Variants in FBXL2 observed in about 807,000 individuals in gnomAD.
FBXL2 encodes the protein F-box and leucine rich repeat protein 2.
A neutral mutation model predicts 69.2 loss-of-function variants in FBXL2; 38 were observed. The observed-to-expected ratio is 0.55, with a 90% CI of 0.42 to 0.72. The LOEUF (loss-of-function observed/expected upper bound fraction) is 0.72. Among genes scored for constraint, FBXL2 ranks in the 30% least tolerant of loss-of-function variants. The probability of loss-of-function intolerance (pLI) is 0.00; values close to 1 mark genes in which losing one functional copy is unlikely to be tolerated. For missense variants in FBXL2, 354 were observed against 520.3 expected, an observed-to-expected ratio of 0.68 and a Z score of 3.11; for synonymous variants, 192 against 201.3, an observed-to-expected ratio of 0.95 and a Z score of 0.39.
At position 33,378,164 on chromosome 3, in the gene FBXL2, C is replaced by T. The variant is rs1219360875; in HGVS notation, c.894+17C>T. 3.1e-6 allele frequency: 5 copies of T among 1,612,790 alleles called. No homozygotes were observed. Among genetic ancestry groups the T allele is most frequent in the Non-Finnish European group, 3.4e-6 (4 of 1,178,854 alleles). ...TGCATCCTGGTGAGTGGACTCCTGA[C>T]AGCCCTGCAGGGCAGCCTGCTCCTT... is the stretch of plus-strand genomic sequence containing the variant. On this transcript the variant is annotated intron_variant, in intron 12 of 14. Transcript: ENST00000484457.
At chr3:33,299,940 A>C (rs2036115718) in intron 2 of FBXL2, among the ~76,000 whole-genome samples, 1 of 152,212 alleles carries the variant, frequency 6.6e-6, no homozygotes, top group Non-Finnish European at 1.5e-5. Flanking sequence ...GATTGTCACT[A>C]TACAACTGCA....
intron 4 of FBXL2, among the ~76,000 whole-genome samples, chr3:33,360,709 C>G (rs1240075039): frequency 6.6e-6 from 1 of 152,068 alleles, no homozygotes; most frequent in Non-Finnish European, 1.5e-5. Flanking sequence ...ACTGATCATA[C>G]CTAACTCTTT....
chr3:33,420,681 G>A, the FBXL2 span, among the ~76,000 whole-genome samples: 4 of 152,108 alleles, frequency 2.6e-5, no homozygotes, highest in Non-Finnish European at 5.9e-5. Context: ...TGGAGACAGG[G>A]TTTCACCATG....
chr3:33,402,678 C>T (rs2044273497), intron 12 of FBXL2: 1 of 637,232 alleles, frequency 1.6e-6, no homozygotes, highest in Non-Finnish European at 2.4e-6. Flanking sequence ...ATACAGGATA[C>T]TTCCCCTTAC....
chr3:33,315,400 T>A (rs1382364554), intron 2 of FBXL2, among the ~76,000 whole-genome samples: 1 of 151,636 alleles, frequency 6.6e-6, no homozygotes, highest in Non-Finnish European at 1.5e-5. Flanking sequence ...AGTGCTAAGG[T>A]AGTTTTACCT....
intron 12 of FBXL2, among the ~76,000 whole-genome samples, chr3:33,394,572 G>A (rs1025085067): frequency 6.6e-4 from 101 of 152,144 alleles, no homozygotes; most frequent in Admixed American, 6.6e-3. Flanking sequence ...TCTGCACAGT[G>A]CACATCTGTA....
At chr3:33,408,894 G>T in the FBXL2 span, 5 of 1,111,426 alleles carry the variant, frequency 4.5e-6, no homozygotes, top group Non-Finnish European at 6.6e-6. Context: ...TTAAACAAAT[G>T]CATGACTAAC....
In FBXL2 at chr3:33,341,567, C is replaced by T. The variant is rs143972938; in HGVS notation, c.66-17400C>T. On this transcript the variant is annotated intron_variant, in intron 2 of 14. Transcript: ENST00000484457. ...ATGTGGGGCCCAGCATGGTGGCTCA[C>T]GCCTGTAATCCTAGCACTTTGGGAG... Among the ~76,000 whole-genome samples, 1,408 of 152,048 alleles carry T rather than the reference C, an allele frequency of 9.3e-3. 17 individuals are homozygous for T. Among genetic ancestry groups the T allele is most frequent in the African/African-American group, 0.032 (1,313 of 41,470 alleles).
chr3:33,296,011 G>T (rs552729322), intron 1 of FBXL2, among the ~76,000 whole-genome samples: 1 of 152,058 alleles, frequency 6.6e-6, no homozygotes, highest in Non-Finnish European at 1.5e-5. Flanking sequence ...CAATCTTGTG[G>T]GTTTTTTTCC....
downstream of FBXL2, chr3:33,389,188 A>C (rs920742116): frequency 6.6e-6 from 1 of 152,642 alleles, no homozygotes; most frequent in African/African-American, 2.4e-5. Context: ...ATAGAGAAAG[A>C]AGCTAGTATG....
At chr3:33,352,772 T>C (rs1219099046) in intron 2 of FBXL2, among the ~76,000 whole-genome samples, 1 of 152,176 alleles carries the variant, frequency 6.6e-6, no homozygotes, top group African/African-American at 2.4e-5. Context: ...AATGTGTGTC[T>C]GTAATCCCAG....
intron 1 of FBXL2, among the ~76,000 whole-genome samples, chr3:33,294,588 C>A (rs1317831694): frequency 1.3e-5 from 2 of 152,050 alleles, no homozygotes; most frequent in Non-Finnish European, 2.9e-5. Flanking sequence ...CCTATAATCC[C>A]AGCACTTTTG....
intron 2 of FBXL2, among the ~76,000 whole-genome samples, chr3:33,305,902 C>A (rs545832735): frequency 6.6e-6 from 1 of 151,882 alleles, no homozygotes; most frequent in Admixed American, 6.6e-5. Context: ...TCCTTAATAT[C>A]GTTAGTTTAT....
At chr3:33,408,548 AG>A (rs1449846288), downstream of FBXL2, 4 of 588,558 alleles carry the variant, frequency 6.8e-6, no homozygotes, top group Non-Finnish European at 1.1e-5. Context: ...AAACAGAAGC[AG>A]GAAGTCTAAA....
intron 2 of FBXL2, among the ~76,000 whole-genome samples, chr3:33,339,043 T>C (rs2039808321): frequency 6.6e-6 from 1 of 152,088 alleles, no homozygotes; most frequent in Non-Finnish European, 1.5e-5. Context: ...AAAGGCCTAA[T>C]ATCCAGAACC....
chr3:33,364,613 T>C lies in FBXL2; in HGVS notation c.196-12T>C. ...AACAGTATTTTTTCCTCCCGAACTT[T>C]CTTGATTAAAGGGTCGAGTGGTGGA... On this transcript the variant is annotated splice_polypyrimidine_tract_variant and intron_variant, in intron 4 of 14. Coordinates refer to ENST00000484457, the MANE Select transcript of FBXL2 (RefSeq NM_012157.5). The C allele has an allele frequency of 1.9e-6, 3 of 1,612,806 alleles. No individual in the cohort carries two copies. Among genetic ancestry groups the C allele is most frequent in the Non-Finnish European group, 1.7e-6 (2 of 1,179,018 alleles).
intron 1 of FBXL2, among the ~76,000 whole-genome samples, chr3:33,277,822 A>G (rs1295000031): frequency 6.6e-6 from 1 of 151,942 alleles, no homozygotes; most frequent in African/African-American, 2.4e-5. Flanking sequence ...GGCCCGAGAG[A>G]GCCTGGGAAG....
intron 2 of FBXL2, among the ~76,000 whole-genome samples, chr3:33,356,399 G>A (rs2041203981): frequency 6.6e-6 from 1 of 152,118 alleles, no homozygotes; most frequent in Non-Finnish European, 1.5e-5. Context: ...TCGCCAGGCT[G>A]GAGTGCAGTG....
intron 2 of FBXL2, among the ~76,000 whole-genome samples, chr3:33,345,877 G>A (rs2040393427): frequency 6.6e-6 from 1 of 152,178 alleles, no homozygotes; most frequent in South Asian, 2.1e-4. Context: ...AGGAAGCAGT[G>A]CTTAGAGGGA....
Sources: gnomAD v4.1 joint callset for allele counts (sites outside exome capture counted in the v4.1 genomes callset) on GRCh38, gnomAD v4.1.1 for gene constraint, MANE v1.5 for transcripts, NCBI Gene and HGNC (gene_info 2026-07-23, HGNC 2026-07-21) for gene names.